Variants in PSMD14 observed in about 807,000 individuals in gnomAD.
The protein encoded by PSMD14 is ubiquitin C-terminal hydrolase PSMD14.
In PSMD14, 7 loss-of-function variants were observed where a neutral mutation model predicts 41.2. The ratio of observed to expected loss-of-function variants is 0.17; its 90% CI spans 0.10 to 0.32. PSMD14 has a LOEUF of 0.32. Among genes scored for constraint, PSMD14 ranks in the 10% least tolerant of loss-of-function variants. The pLI is 1.00. For missense variants in PSMD14, 139 were observed against 375.6 expected, an observed-to-expected ratio of 0.37 and a Z score of 5.21; for synonymous variants, 114 against 122.3, an observed-to-expected ratio of 0.93 and a Z score of 0.45.
At chr2:161,367,967 GCAAA>G in intron 5 of PSMD14, 64 bp downstream of exon 5, 1 of 1,519,102 alleles carries the variant, frequency 6.6e-7, no homozygotes, top group African/African-American at 1.4e-5. Flanking sequence ...CTTTTCCTAT[GCAAA>G]CTAACTCTCA....
At chr2:161,400,504 A>G (rs540445995) in intron 10 of PSMD14, among the ~76,000 whole-genome samples, 8 of 152,250 alleles carry the variant, frequency 5.3e-5, no homozygotes, top group Non-Finnish European at 1.0e-4. Context: ...CTTTTTTGAG[A>G]TGTACAACAA....
intron 8 of PSMD14, among the ~76,000 whole-genome samples, chr2:161,387,938 C>G (rs1220604177): frequency 6.6e-6 from 1 of 151,882 alleles, no homozygotes; most frequent in Non-Finnish European, 1.5e-5. Context: ...TAATGCCTAT[C>G]CTCTAGGCTT....
chr2:161,331,616 C>T (rs1164981702), intron 3 of PSMD14, among the ~76,000 whole-genome samples: 1 of 152,150 alleles, frequency 6.6e-6, no homozygotes, highest in African/African-American at 2.4e-5. Context: ...GAGCTTTCAA[C>T]TTGAAATGGT....
chr2:161,390,377 T>C (rs1336817086), intron 8 of PSMD14, among the ~76,000 whole-genome samples: 1 of 152,302 alleles, frequency 6.6e-6, no homozygotes, highest in East Asian at 1.9e-4. Flanking sequence ...CAGAGTACTG[T>C]TGAACCTCAT....
At chr2:161,327,212 A>C (rs1268676656) in intron 3 of PSMD14, among the ~76,000 whole-genome samples, 1 of 152,136 alleles carries the variant, frequency 6.6e-6, no homozygotes. Flanking sequence ...GGAGCTGGGA[A>C]GAGGAGAGAA....
chr2:161,329,608 G>A (rs907364173), intron 3 of PSMD14, among the ~76,000 whole-genome samples: 1 of 152,008 alleles, frequency 6.6e-6, no homozygotes, highest in African/African-American at 2.4e-5. Context: ...GTAGAGAAGG[G>A]TCGAAAAATT....
chr2:161,313,469 C>A (rs576480980), intron 1 of PSMD14, among the ~76,000 whole-genome samples: 4 of 152,182 alleles, frequency 2.6e-5, no homozygotes, highest in Non-Finnish European at 5.9e-5. Context: ...CCTACCTCAG[C>A]CTCCCCAGTA....
intron 3 of PSMD14, among the ~76,000 whole-genome samples, chr2:161,366,822 A>T (rs1474934590): frequency 2.0e-5 from 3 of 152,190 alleles, no homozygotes; most frequent in Admixed American, 2.0e-4. Context: ...CTTAAAGGAG[A>T]AACATAGTGT....
At chr2:161,346,225 T>C (rs546831414) in intron 3 of PSMD14, among the ~76,000 whole-genome samples, 9 of 152,268 alleles carry the variant, frequency 5.9e-5, no homozygotes, top group African/African-American at 1.7e-4. Context: ...CCATCTAGTG[T>C]ATTTTTTATT....
At chr2:161,344,807 A>G (rs542079092) in intron 3 of PSMD14, among the ~76,000 whole-genome samples, 1 of 152,206 alleles carries the variant, frequency 6.6e-6, no homozygotes, top group Non-Finnish European at 1.5e-5. Context: ...GCCTGCTCAT[A>G]TGATTTTCAG....
chr2:161,330,414 T>C (rs1682771503), intron 3 of PSMD14, among the ~76,000 whole-genome samples: 1 of 152,098 alleles, frequency 6.6e-6, no homozygotes, highest in Admixed American at 6.6e-5. Context: ...ATACAATCTG[T>C]GTTTTCTTTC....
intron 6 of PSMD14, among the ~76,000 whole-genome samples, chr2:161,370,466 C>G (rs1683417274): frequency 6.6e-6 from 1 of 152,028 alleles, no homozygotes; most frequent in Non-Finnish European, 1.5e-5. Context: ...ACTGTCTAGT[C>G]ACTTATAATT....
chr2:161,408,842 A>G lies in PSMD14; in HGVS notation c.777A>G (p.Val259=), dbSNP rs1485540530. The G allele has an allele frequency of 6.2e-7, 1 of 1,602,282 alleles. No individual in the cohort carries two copies. Among genetic ancestry groups the G allele is most frequent in the Non-Finnish European group, 8.5e-7 (1 of 1,170,878 alleles). The part of the protein sequence containing the change: ...LELAKNYNKA[V]EEEDKMTPEQ... ...CCTTTGTGTTTCATTCACAGGCTGT[A>G]GAAGAAGAAGATAAGATGACACCTG... Residue 259 remains valine, a synonymous_variant, in exon 11 of 12, where the codon GTA becomes GTG. Coordinates refer to ENST00000409682, the MANE Select transcript of PSMD14 (RefSeq NM_005805.6).
intron 3 of PSMD14, among the ~76,000 whole-genome samples, chr2:161,357,076 C>CTTTTTTTTTTTTT (rs71281822): frequency 1.2e-4 from 15 of 124,178 alleles, no homozygotes; most frequent in African/African-American, 4.1e-4. Context: ...TGGCAAATGC[C>CTTTTTTTTTTTTT]TTTTTTTTTT....
Position 161,408,887 on chromosome 2 carries a change from T to C in PSMD14, c.822T>C (p.Asn274=), listed in dbSNP as rs370082078. The change falls in exon 11 of 12, where the codon AAT becomes AAC. Residue 274 remains asparagine, a synonymous_variant. Coordinates refer to ENST00000409682, the MANE Select transcript of PSMD14 (RefSeq NM_005805.6). The part of the protein sequence containing the change: ...KMTPEQLAIK[N]VGKQDPKRHL... Reference sequence around the variant, plus strand: ...CACCTGAACAGCTGGCAATAAAGAATGTTGGCAAGCAGGTGAGGTGTACTG... The same window carrying C: ...CACCTGAACAGCTGGCAATAAAGAACGTTGGCAAGCAGGTGAGGTGTACTG... 7 of 1,604,520 alleles carry C rather than the reference T, an allele frequency of 4.4e-6. No homozygotes were observed. The African/African-American group carries it at 9.4e-5, about 21-fold the overall frequency.
intron 7 of PSMD14, among the ~76,000 whole-genome samples, chr2:161,376,461 C>G (rs1683504167): frequency 6.6e-6 from 1 of 151,820 alleles, no homozygotes; most frequent in Non-Finnish European, 1.5e-5. Context: ...GTGAATGTTT[C>G]TGCAAGTTTT....
intron 3 of PSMD14, among the ~76,000 whole-genome samples, chr2:161,366,527 G>A (rs1409272310): frequency 2.6e-5 from 4 of 151,990 alleles, no homozygotes; most frequent in Admixed American, 6.6e-5. Context: ...TTACAATTTG[G>A]ATAAGGTAAC....
intron 10 of PSMD14, among the ~76,000 whole-genome samples, chr2:161,405,018 A>T (rs1247774844): frequency 1.3e-5 from 2 of 152,186 alleles, no homozygotes; most frequent in African/African-American, 4.8e-5. Context: ...TTCCAGTTAC[A>T]TGTTCATTAC....
intron 7 of PSMD14, among the ~76,000 whole-genome samples, chr2:161,372,524 A>G (rs1231354013): frequency 6.6e-6 from 1 of 152,010 alleles, no homozygotes; most frequent in African/African-American, 2.4e-5. Flanking sequence ...TTAGCTTTTC[A>G]GAGGCAAAAA....
Sources: allele counts gnomAD v4.1 joint callset (sites outside exome capture counted in the v4.1 genomes callset), GRCh38; gene constraint gnomAD v4.1.1; transcripts MANE v1.5; gene names NCBI Gene and HGNC (gene_info 2026-07-23, HGNC 2026-07-21).